ESR2: variants seen among roughly 807,000 people sequenced by gnomAD.
ESR2 encodes the protein estrogen receptor 2, also known as estrogen receptor beta.
In ESR2, 36 loss-of-function variants were observed where a neutral mutation model predicts 49.6. That is an observed-to-expected ratio of 0.73 (90% CI 0.56 to 0.96). ESR2 has a LOEUF of 0.96. Among genes scored for constraint, ESR2 ranks in the 40% least tolerant of loss-of-function variants. The probability of loss-of-function intolerance (pLI) is 0.00; values close to 1 mark genes in which losing one functional copy is unlikely to be tolerated. For missense variants in ESR2, 714 were observed against 693.0 expected, an observed-to-expected ratio of 1.03 and a Z score of -0.34; for synonymous variants, 320 against 266.1, an observed-to-expected ratio of 1.20 and a Z score of -1.97.
chr14:64,289,168 G>A (rs1444330946), intron 1 of ESR2, among the ~76,000 whole-genome samples: 1 of 152,014 alleles, frequency 6.6e-6, no homozygotes, highest in Non-Finnish European at 1.5e-5. Flanking sequence ...TACCTATTTG[G>A]TGCTGTACCT....
In ESR2 at chr14:64,230,197, CAA is replaced by C. The variant is rs34313437; in HGVS notation, c.*2938_*2939del. On this transcript the variant is annotated 3_prime_UTR_variant, in exon 9 of 9. Coordinates refer to ENST00000341099, the MANE Select transcript of ESR2 (RefSeq NM_001437.3). ...GAGCAACAGGAGTCAGACCCTGTCT[CAA>C]AAAAAAAAAAAAAAAGGTGTCAAAT... Among the ~76,000 whole-genome samples the C allele has an allele frequency of 1.3e-3, 142 of 110,274 alleles. No homozygotes were observed. The highest frequency in any genetic ancestry group is 1.4e-3 in the Non-Finnish European group (71 of 51,950). 72.3% of individuals were successfully genotyped at this position (110,274 alleles called of 152,430 possible).
intron 4 of ESR2, among the ~76,000 whole-genome samples, chr14:64,266,838 G>A (rs1311803454): frequency 1.3e-5 from 2 of 152,060 alleles, no homozygotes; most frequent in Non-Finnish European, 2.9e-5. Context: ...TATCTCAATA[G>A]CTATTAGTCC....
At chr14:64,273,378 C>G (rs555986391) in intron 3 of ESR2, among the ~76,000 whole-genome samples, 11 of 152,208 alleles carry the variant, frequency 7.2e-5, no homozygotes, top group African/African-American at 2.4e-4. Flanking sequence ...TGGGCATCCT[C>G]GTCATGTTCC....
At chr14:64,242,529 TAAAG>T (rs1567735372) in intron 7 of ESR2, among the ~76,000 whole-genome samples, 1 of 151,648 alleles carries the variant, frequency 6.6e-6, no homozygotes, top group African/African-American at 2.4e-5. Context: ...TTTCAAATGT[TAAAG>T]AAACCTTGTA....
intron 1 of ESR2, among the ~76,000 whole-genome samples, chr14:64,322,518 GAAAA>G (rs35866794): frequency 0.22 from 19,182 of 86,428 alleles, 1,664 homozygotes; most frequent in African/African-American, 0.34. Context: ...CCACAGAAAG[GAAAA>G]AAAAAAAAAA....
At position 64,231,227 on chromosome 14, in the gene ESR2, A is replaced by G. The variant is rs2098726928; in HGVS notation, c.*1910T>C. 6.6e-6 allele frequency: 1 copy of G among 152,088 alleles called. No individual in the cohort carries two copies. Among genetic ancestry groups the G allele is most frequent in the South Asian group, 2.1e-4 (1 of 4,814 alleles). 9.4% of individuals were successfully genotyped at this position (152,088 alleles called of 1,614,324 possible). ...TTTTTGTTACCTGGTAATCTCTTTT[A>G]AAAATACATTTAATAGAATTTCACT... On this transcript the variant is annotated 3_prime_UTR_variant, in exon 9 of 9. Transcript: ENST00000341099.
chr14:64,326,152 A>G (rs1464748116), intron 1 of ESR2, among the ~76,000 whole-genome samples: 1 of 152,190 alleles, frequency 6.6e-6, no homozygotes, highest in East Asian at 1.9e-4. Flanking sequence ...AAAAGTGGTT[A>G]TAGTCGAAGG....
chr14:64,294,669 G>A (rs868491686), upstream of ESR2, among the ~76,000 whole-genome samples: 2 of 152,222 alleles, frequency 1.3e-5, no homozygotes, highest in Admixed American at 6.5e-5. Flanking sequence ...CAGCCAGTCT[G>A]GGGACCACAC....
intron 1 of ESR2, chr14:64,337,433 TCA>T (rs1266371173): frequency 6.6e-6 from 1 of 152,204 alleles, no homozygotes; most frequent in African/African-American, 2.4e-5. Context: ...CTTCTTAATT[TCA>T]CTTGCTCAGG....
Position 64,260,762 on chromosome 14 carries a change from C to T in ESR2, c.653-14G>A, listed in dbSNP as rs767799237. 6 of 1,444,296 alleles carry T rather than the reference C, an allele frequency of 4.2e-6. No homozygotes were observed. The Admixed American group carries it at 1.4e-4, about 33-fold the overall frequency. The allele number at this position is 1,444,296 out of a possible 1,614,324, so 89.5% of individuals were successfully genotyped here. A position where few individuals can be genotyped will look rare whatever the true frequency, so the allele number is the denominator to read the frequency against. Reference sequence around the variant, plus strand: ...CTCTCCGGGAGCCTGAAGAGGAAAGCAGAGTCATTCGAATTGCCAGGGTAA... The same window carrying T: ...CTCTCCGGGAGCCTGAAGAGGAAAGTAGAGTCATTCGAATTGCCAGGGTAA... On this transcript the variant is annotated splice_polypyrimidine_tract_variant and intron_variant, in intron 4 of 8. Transcript: ENST00000341099.
chr14:64,315,900 G>T (rs575625722), intron 1 of ESR2, among the ~76,000 whole-genome samples: 1 of 152,048 alleles, frequency 6.6e-6, no homozygotes, highest in Non-Finnish European at 1.5e-5. Context: ...TGATCCACCC[G>T]CCTCAGCCTC....
intron 7 of ESR2, among the ~76,000 whole-genome samples, chr14:64,240,904 G>T (rs1183652048): frequency 6.6e-6 from 1 of 151,932 alleles, no homozygotes; most frequent in Non-Finnish European, 1.5e-5. Flanking sequence ...CAGCACTTTG[G>T]GAGGCCGAGG....
intron 1 of ESR2, among the ~76,000 whole-genome samples, chr14:64,331,609 G>A (rs1022946071): frequency 6.6e-6 from 1 of 152,042 alleles, no homozygotes; most frequent in Non-Finnish European, 1.5e-5. Flanking sequence ...GGCAGATCAC[G>A]AGGTCAGGAG....
chr14:64,258,955 T>C (rs1411365500), intron 5 of ESR2, among the ~76,000 whole-genome samples: 1 of 152,222 alleles, frequency 6.6e-6, no homozygotes, highest in Non-Finnish European at 1.5e-5. Context: ...CCTGAAAACT[T>C]TTCAAAACAC....
At chr14:64,295,388 G>A (rs1476099318), upstream of ESR2, among the ~76,000 whole-genome samples, 1 of 152,184 alleles carries the variant, frequency 6.6e-6, no homozygotes, top group Non-Finnish European at 1.5e-5. Context: ...AGACGCAAGT[G>A]TGCTCTGGGT....
At position 64,260,674 on chromosome 14, in the gene ESR2, C is replaced by A. The variant is rs1050115725; in HGVS notation, c.727G>T (p.Gly243Cys). 1 of 1,579,412 alleles carries A rather than the reference C, an allele frequency of 6.3e-7. No individual in the cohort carries two copies. Among genetic ancestry groups the A allele is most frequent in the Non-Finnish European group, 8.6e-7 (1 of 1,160,168 alleles). ...TGGCCGCCACTTCTCTTGGCCTTGC[C>A]GGCACAGTGCAGCTGCTCGTCGGCA... Reference protein sequence around the residue: ...RSADEQLHCAGKAKRSGGHAP... With the variant: ...RSADEQLHCACKAKRSGGHAP... Residue 243 changes from glycine (G) to cysteine (C), a missense_variant, in exon 5 of 9, where the codon GGC becomes TGC. By Grantham distance (159) the Gly-to-Cys change is radical (BLOSUM62 -3). Transcript: ENST00000341099.
At chr14:64,320,507 A>G (rs1429612831) in intron 1 of ESR2, among the ~76,000 whole-genome samples, 1 of 152,210 alleles carries the variant, frequency 6.6e-6, no homozygotes, top group Non-Finnish European at 1.5e-5. Context: ...ATGATGATGT[A>G]ATGATGGATA....
chr14:64,305,514 C>CA (rs1270383147), intron 1 of ESR2, among the ~76,000 whole-genome samples: 10 of 151,200 alleles, frequency 6.6e-5, no homozygotes, highest in Non-Finnish European at 1.3e-4. Flanking sequence ...ACTAAAAATA[C>CA]AAAAAAATTA....
intron 4 of ESR2, among the ~76,000 whole-genome samples, chr14:64,266,407 G>A (rs894988831): frequency 2.1e-4 from 32 of 152,178 alleles, no homozygotes; most frequent in African/African-American, 6.8e-4. Flanking sequence ...GTGATGAAAC[G>A]AAAATGAAAC....
Sources: gnomAD v4.1 joint callset for allele counts (sites outside exome capture counted in the v4.1 genomes callset) on GRCh38, gnomAD v4.1.1 for gene constraint, MANE v1.5 for transcripts, NCBI Gene and HGNC (gene_info 2026-07-23, HGNC 2026-07-21) for gene names.